PHF20: variants seen among roughly 807,000 people sequenced by gnomAD.
PHF20 encodes the protein PHD finger protein 20, also known as glioma-expressed antigen 2.
PHF20 carries 23 observed loss-of-function variants against 113.5 expected under a neutral mutation model. The observed-to-expected ratio is 0.20, with a 90% CI of 0.15 to 0.29. PHF20 has a LOEUF of 0.29. PHF20 is among the 10% of genes least tolerant of loss of function. The pLI is 1.00. For synonymous variants in PHF20, 434 were observed against 457.3 expected (o/e 0.95, Z 0.65); for missense variants, 943 against 1,219.6 (o/e 0.77, Z 3.38).
intron 15 of PHF20, among the ~76,000 whole-genome samples, chr20:35,937,294 C>T (rs917010261): frequency 6.6e-6 from 1 of 151,996 alleles, no homozygotes; most frequent in Non-Finnish European, 1.5e-5. Context: ...CATGTAGAAA[C>T]TCCATCTCTA....
chr20:35,874,668 A>G (rs1023009367), intron 9 of PHF20, among the ~76,000 whole-genome samples: 20 of 151,748 alleles, frequency 1.3e-4, no homozygotes, highest in Admixed American at 1.2e-3. Context: ...TCTTTTCTCA[A>G]CTTTTAGTTA....
chr20:35,831,098 T>C (rs1033562821), intron 2 of PHF20, among the ~76,000 whole-genome samples: 5 of 152,148 alleles, frequency 3.3e-5, no homozygotes, highest in Non-Finnish European at 5.9e-5. Context: ...GTTACAAATA[T>C]ACACACTAAA....
chr20:35,830,028 C>T (rs1384088141), intron 2 of PHF20, among the ~76,000 whole-genome samples: 1 of 152,196 alleles, frequency 6.6e-6, no homozygotes, highest in Non-Finnish European at 1.5e-5. Context: ...GTTCTGCTGC[C>T]TCAGCCTCCC....
intron 10 of PHF20, among the ~76,000 whole-genome samples, chr20:35,901,569 G>C (rs996044958): frequency 6.7e-6 from 1 of 148,740 alleles, no homozygotes; most frequent in African/African-American, 2.5e-5. Flanking sequence ...ATGTTTGTTT[G>C]TTTCCTTTTA....
intron 1 of PHF20, among the ~76,000 whole-genome samples, chr20:35,783,583 ATT>A (rs760338473): frequency 1.4e-5 from 2 of 142,726 alleles, no homozygotes; most frequent in Admixed American, 7.0e-5. Context: ...CGCTTGGCTA[ATT>A]TTTTTTTTTT....
At position 35,939,096 on chromosome 20, in the gene PHF20, C is replaced by T. The variant is rs779770991; in HGVS notation, c.2700C>T (p.Pro900=). 22 of 1,605,532 alleles carry T rather than the reference C, an allele frequency of 1.4e-5. No homozygotes were observed. The highest frequency in any genetic ancestry group is 2.7e-5 in the African/African-American group (2 of 74,702). ...DRSKGDSDPK[P]GSPKVKEYVS... ...GCAAGGGGGACAGTGACCCCAAACCCGGCTCCCCAAAGGTATGTGGCTGCC... is the reference window on the plus strand; with the variant it reads ...GCAAGGGGGACAGTGACCCCAAACCTGGCTCCCCAAAGGTATGTGGCTGCC... Residue 900 remains proline (P), a synonymous_variant, in exon 16 of 18, where the codon CCC becomes CCT. Coordinates refer to ENST00000374012, the MANE Select transcript of PHF20 (RefSeq NM_016436.5).
chr20:35,833,696 C>T (rs2042391240), intron 2 of PHF20, among the ~76,000 whole-genome samples: 1 of 152,048 alleles, frequency 6.6e-6, no homozygotes, highest in African/African-American at 2.4e-5. Flanking sequence ...CCTTTCCCAA[C>T]CCTCTAGTTA....
intron 1 of PHF20, among the ~76,000 whole-genome samples, chr20:35,779,224 A>T (rs1046044403): frequency 4.6e-5 from 7 of 151,828 alleles, no homozygotes; most frequent in Non-Finnish European, 1.0e-4. Flanking sequence ...TTTGGTAGAG[A>T]CTGGCTTTCA....
chr20:35,943,116 C>T (rs2056018503), intron 17 of PHF20, among the ~76,000 whole-genome samples: 2 of 152,166 alleles, frequency 1.3e-5, no homozygotes, highest in South Asian at 2.1e-4. Flanking sequence ...AGCCACCGTA[C>T]CCAGCCCTAA....
At chr20:35,885,243 A>G (rs562235307) in intron 9 of PHF20, among the ~76,000 whole-genome samples, 6 of 152,132 alleles carry the variant, frequency 3.9e-5, no homozygotes, top group Non-Finnish European at 7.3e-5. Context: ...ATCCTCTTTC[A>G]TTCCCACAAT....
intron 14 of PHF20, 47 bp from the exon 15 acceptor site, chr20:35,931,202 G>A: frequency 7.4e-7 from 1 of 1,355,974 alleles, no homozygotes; most frequent in African/African-American, 1.4e-5. Flanking sequence ...AAATGGCCTG[G>A]GTTTCCTTCA....
In PHF20 at chr20:35,869,527, C is replaced by T. The variant is rs762848107; in HGVS notation, c.898C>T (p.Arg300Cys). ...ISKGCEVPLKRPRLDKNSSQE... is the reference protein window; with the variant it reads ...ISKGCEVPLKCPRLDKNSSQE... ...AAAAGGATGTGAAGTCCCATTAAAA[C>T]GTCCTCGGCTTGACAAAAATTCATG... The change falls in exon 7 of 18, where the codon CGT (arginine) becomes TGT (cysteine). Residue 300 changes from arginine to cysteine, a missense_variant. By Grantham distance (180) the Arg-to-Cys change is radical. Transcript: ENST00000374012. The T allele has an allele frequency of 6.9e-6, 11 of 1,603,278 alleles. No individual in the cohort carries two copies. Among genetic ancestry groups the T allele is most frequent in the Admixed American group, 1.7e-5 (1 of 59,366 alleles).
Position 35,869,443 on chromosome 20 carries a change from G to T in PHF20, c.814G>T (p.Asp272Tyr). ...TGGTTTTATAAACATGGTAGCTGTG[G>T]ATTCAAACTCTCAAACTTTGCAACC... Reference protein sequence around the residue: ...RPPSIAPTAVDSNSQTLQPIT... With the variant: ...RPPSIAPTAVYSNSQTLQPIT... Residue 272 changes from aspartate to tyrosine, a missense_variant, in exon 7 of 18, where the codon GAT becomes TAT. By Grantham distance (160) the Asp-to-Tyr change is radical. This residue lies in a region of PHF20 where 592 missense variants were observed against 787.2 expected (regional missense o/e 0.75). Coordinates refer to ENST00000374012, the MANE Select transcript of PHF20 (RefSeq NM_016436.5). 2 of 1,563,082 alleles carry T rather than the reference G, an allele frequency of 1.3e-6. No individual in the cohort carries two copies. The highest frequency in any genetic ancestry group is 1.8e-6 in the Non-Finnish European group (2 of 1,138,242).
At chr20:35,790,725 TTC>T (rs1267221709) in intron 1 of PHF20, among the ~76,000 whole-genome samples, 1 of 152,164 alleles carries the variant, frequency 6.6e-6, no homozygotes, top group Non-Finnish European at 1.5e-5. Context: ...GCTTGCCTGC[TTC>T]TCTCCTTTTA....
intron 12 of PHF20, among the ~76,000 whole-genome samples, chr20:35,915,592 G>C (rs2055389805): frequency 2.0e-5 from 3 of 151,868 alleles, no homozygotes. Flanking sequence ...TCACCATGTT[G>C]GTCAGGCTGG....
intron 2 of PHF20, among the ~76,000 whole-genome samples, chr20:35,836,367 C>T (rs1205954523): frequency 4.6e-5 from 7 of 151,954 alleles, no homozygotes; most frequent in East Asian, 1.9e-4. Context: ...ATAAGATATG[C>T]ACTATTCTGT....
At chr20:35,896,617 G>A (rs2054989172) in intron 9 of PHF20, among the ~76,000 whole-genome samples, 2 of 151,084 alleles carry the variant, frequency 1.3e-5, no homozygotes, top group Admixed American at 1.3e-4. Flanking sequence ...TCGAGACCAG[G>A]CTGGACCAGT....
chr20:35,917,037 T>G, intron 12 of PHF20: 1 of 278,106 alleles, frequency 3.6e-6, no homozygotes, highest in Non-Finnish European at 7.1e-6. Flanking sequence ...ATGCTGGTAT[T>G]AGAGGCATGA....
intron 12 of PHF20, among the ~76,000 whole-genome samples, chr20:35,914,824 G>A (rs978719510): frequency 4.0e-5 from 6 of 151,586 alleles, no homozygotes; most frequent in African/African-American, 7.3e-5. Flanking sequence ...TTAGCCAGGC[G>A]TGGTGGTGTC....
Sources: gnomAD v4.1 joint callset for allele counts (sites outside exome capture counted in the v4.1 genomes callset) on GRCh38, gnomAD v4.1.1 for gene constraint, gnomAD v4.1.1 regional missense constraint, MANE v1.5 for transcripts, NCBI Gene and HGNC (gene_info 2026-07-23, HGNC 2026-07-21) for gene names.